YLPM1: variants seen among roughly 807,000 people sequenced by gnomAD.
YLPM1 encodes the protein YLP motif-containing protein 1.
A neutral mutation model predicts 230.0 loss-of-function variants in YLPM1; 99 were observed. The ratio of observed to expected loss-of-function variants is 0.43; its 90% CI spans 0.37 to 0.51. YLPM1 has a LOEUF of 0.51. Among genes scored for constraint, YLPM1 ranks in the 20% least tolerant of loss-of-function variants. The pLI, the probability that YLPM1 is intolerant of heterozygous loss-of-function variation, is 0.00. For missense variants in YLPM1, 2,592 were observed against 2,707.7 expected (o/e 0.96, Z 0.95); for synonymous variants, 984 against 942.5 (o/e 1.04, Z -0.81).
intron 19 of YLPM1, among the ~76,000 whole-genome samples, chr14:74,834,742 G>A (rs2091631535): frequency 6.6e-6 from 1 of 152,224 alleles, no homozygotes; most frequent in African/African-American, 2.4e-5. Flanking sequence ...TGTATTGTTT[G>A]TATAAAATGC....
rs371578628 is a variant in YLPM1, at chr14:74,799,260, A to G, written c.3963A>G (p.Ser1321=). The G allele has an allele frequency of 1.7e-5, 27 of 1,613,922 alleles. No homozygotes were observed. Among genetic ancestry groups the G allele is most frequent in the Non-Finnish European group, 2.2e-5 (26 of 1,179,892 alleles). The change falls in exon 5 of 21, where the codon TCA becomes TCG. Residue 1321 remains serine (S), a synonymous_variant. Transcript: ENST00000325680. ...DYGRPLDEQE[S]QFRERDIPSL... is the part of the protein sequence containing the mutation. Reference sequence around the variant, plus strand: ...GGAGACCACTGGATGAACAAGAATCACAGTTTCGTGAACGGGATATTCCAT... The same window carrying G: ...GGAGACCACTGGATGAACAAGAATCGCAGTTTCGTGAACGGGATATTCCAT...
intron 4 of YLPM1, among the ~76,000 whole-genome samples, chr14:74,785,153 GT>G (rs1218372614): frequency 6.6e-6 from 1 of 151,848 alleles, no homozygotes; most frequent in African/African-American, 2.4e-5. Context: ...TGTGTGGTTG[GT>G]TTTTTGTTTT....
chr14:74,777,497 G>A (rs1241379479), intron 1 of YLPM1, among the ~76,000 whole-genome samples: 1 of 151,162 alleles, frequency 6.6e-6, no homozygotes, highest in Non-Finnish European at 1.5e-5. Context: ...AACCTGGGAG[G>A]TGGAGGTTGC....
Position 74,782,087 on chromosome 14 carries a change from C to G in YLPM1, c.2044C>G (p.Pro682Ala), listed in dbSNP as rs1179291081. 1 of 1,614,034 alleles carries G rather than the reference C, an allele frequency of 6.2e-7. No homozygotes were observed. Reference sequence around the variant, plus strand: ...TCCTGTGTCTTTTGGTTCTGCCCCACCGACAACTTACCATCCTCCGTTGCA... The same window carrying G: ...TCCTGTGTCTTTTGGTTCTGCCCCAGCGACAACTTACCATCCTCCGTTGCA... ...PTPVSFGSAP[P>A]TTYHPPLQSA... Residue 682 changes from proline (P) to alanine (A), a missense_variant, in exon 4 of 21, where the codon CCG becomes GCG. Physicochemically the swap from Pro to Ala is conservative, Grantham distance 27 (BLOSUM62 -1). Transcript: ENST00000325680.
In YLPM1 at chr14:74,764,378, C is replaced by T. The variant is rs747903259; in HGVS notation, c.873+16C>T. 15 of 1,581,178 alleles carry T rather than the reference C, an allele frequency of 9.5e-6. No homozygotes were observed. The highest frequency in any genetic ancestry group is 3.4e-5 in the South Asian group (3 of 87,446). On this transcript the variant is annotated intron_variant, in intron 1 of 20. Transcript: ENST00000325680. ...GACTCCACAGGTAAGAAAGCATCTGCCTGAACCTCATCTTTCACCTAGAGG... is the reference window on the plus strand; with the variant it reads ...GACTCCACAGGTAAGAAAGCATCTGTCTGAACCTCATCTTTCACCTAGAGG...
At chr14:74,772,217 CTTT>C (rs543491337) in intron 1 of YLPM1, among the ~76,000 whole-genome samples, 2 of 138,762 alleles carry the variant, frequency 1.4e-5, no homozygotes, top group Non-Finnish European at 3.1e-5. Context: ...CAACATCTTT[CTTT>C]TTTTTTTTTT....
intron 4 of YLPM1, among the ~76,000 whole-genome samples, chr14:74,793,015 G>T (rs796080946): frequency 8.9e-4 from 136 of 152,270 alleles, no homozygotes; most frequent in African/African-American, 3.1e-3. Flanking sequence ...AAGGTTTTAG[G>T]ATCATTGTTC....
intron 18 of YLPM1, 31 bp downstream of exon 18, chr14:74,824,338 G>A: frequency 6.2e-7 from 1 of 1,600,800 alleles, no homozygotes; most frequent in South Asian, 1.1e-5. Flanking sequence ...GTTTTTATAT[G>A]TGATACCTGA....
intron 4 of YLPM1, among the ~76,000 whole-genome samples, chr14:74,795,063 G>A (rs1385997930): frequency 6.6e-6 from 1 of 152,208 alleles, no homozygotes; most frequent in Non-Finnish European, 1.5e-5. Flanking sequence ...ATTTTCCGTG[G>A]ACTTGAATCT....
intron 19 of YLPM1, 37 bp from the exon 20 acceptor site, chr14:74,835,228 T>C (rs1340152284): frequency 6.2e-7 from 1 of 1,606,590 alleles, no homozygotes; most frequent in South Asian, 1.1e-5. Context: ...CATATTTATT[T>C]TTCCTAAAGC....
intron 16 of YLPM1, among the ~76,000 whole-genome samples, chr14:74,820,015 C>G (rs2140136919): frequency 6.6e-6 from 1 of 152,318 alleles, no homozygotes; most frequent in Non-Finnish European, 1.5e-5. Flanking sequence ...AATTATATTA[C>G]TATCTAAATA....
intron 11 of YLPM1, among the ~76,000 whole-genome samples, chr14:74,815,882 C>T (rs1332498873): frequency 6.6e-6 from 1 of 151,822 alleles, no homozygotes; most frequent in Non-Finnish European, 1.5e-5. Context: ...TTTCTGGTTC[C>T]TCCTGGTTTC....
At chr14:74,772,510 C>T (rs2090987829) in intron 1 of YLPM1, among the ~76,000 whole-genome samples, 1 of 152,014 alleles carries the variant, frequency 6.6e-6, no homozygotes, top group Non-Finnish European at 1.5e-5. Context: ...AGGCATGTGC[C>T]ACCACACCCA....
chr14:74,815,697 C>T (rs1363623317), intron 11 of YLPM1, among the ~76,000 whole-genome samples: 2 of 151,276 alleles, frequency 1.3e-5, no homozygotes, highest in African/African-American at 4.9e-5. Flanking sequence ...TCCTCTGTTT[C>T]TTTAGTTTGC....
chr14:74,810,272 C>A lies in YLPM1; in HGVS notation c.5080C>A (p.Pro1694Thr). 6.2e-7 allele frequency: 1 copy of A among 1,613,450 alleles called. No homozygotes were observed. The highest frequency in any genetic ancestry group is 8.5e-7 in the Non-Finnish European group (1 of 1,179,758). ...DRYDRERDRE[P>T]YFDRQSNVIA... ...TTATGATAGAGAAAGAGATCGTGAG[C>A]CTTATTTTGATCGTCAAAGTAATGT... is the stretch of plus-strand genomic sequence containing the variant. Residue 1694 changes from proline (P) to threonine (T), a missense_variant, in exon 9 of 21, where the codon CCT (proline) becomes ACT (threonine). Transcript: ENST00000325680.
chr14:74,774,391 G>A (rs1289191041), intron 1 of YLPM1, among the ~76,000 whole-genome samples: 4 of 150,512 alleles, frequency 2.7e-5, no homozygotes, highest in Non-Finnish European at 5.9e-5. Flanking sequence ...TGCGACCATG[G>A]CCCAGCTAAT....
intron 15 of YLPM1, among the ~76,000 whole-genome samples, chr14:74,817,835 G>A (rs1425656474): frequency 4.6e-5 from 7 of 151,832 alleles, no homozygotes; most frequent in East Asian, 1.9e-4. Context: ...TGGGCGGATC[G>A]CTTGAGCCTG....
intron 18 of YLPM1, among the ~76,000 whole-genome samples, chr14:74,826,619 C>T (rs1016763545): frequency 6.6e-5 from 10 of 152,312 alleles, no homozygotes; most frequent in African/African-American, 2.4e-4. Flanking sequence ...GGTCTATGCT[C>T]ATTAAGTTTA....
Position 74,829,358 on chromosome 14 carries a change from C to A in YLPM1, c.6294+15C>A. 1.9e-6 allele frequency: 3 copies of A among 1,611,962 alleles called. No individual in the cohort carries two copies. In the South Asian group the frequency reaches 3.3e-5, roughly 18 times the overall value. On this transcript the variant is annotated intron_variant, in intron 19 of 20. Transcript: ENST00000325680. Reference sequence around the variant, plus strand: ...GGAAGAAGAGGGTAAGAGACTTTGTCAATAACTGCCAACAAATGAAGGGCC... The same window carrying A: ...GGAAGAAGAGGGTAAGAGACTTTGTAAATAACTGCCAACAAATGAAGGGCC...
Sources: allele counts gnomAD v4.1 joint callset (sites outside exome capture counted in the v4.1 genomes callset), GRCh38; gene constraint gnomAD v4.1.1; transcripts MANE v1.5; gene names NCBI Gene and HGNC (gene_info 2026-07-23, HGNC 2026-07-21).